Variants in KDM2B observed in about 807,000 individuals in gnomAD.
KDM2B encodes lysine-specific demethylase 2B.
Under a neutral mutation model 150.0 loss-of-function variants are expected in KDM2B, and 26 were observed. The ratio of observed to expected loss-of-function variants is 0.17; its 90% CI spans 0.13 to 0.24. KDM2B has a LOEUF of 0.24. Among genes scored for constraint, KDM2B ranks in the 10% least tolerant of loss-of-function variants. KDM2B has a pLI of 1.00. For missense variants in KDM2B, 1,265 were observed against 1,816.9 expected, an observed-to-expected ratio of 0.70 and a Z score of 5.52; for synonymous variants, 734 against 729.5, an observed-to-expected ratio of 1.01 and a Z score of -0.10.
At chr12:121,568,866 TAAAAAAAAA>T in intron 4 of KDM2B, among the ~76,000 whole-genome samples, 1 of 139,932 alleles carries the variant, frequency 7.1e-6, no homozygotes, top group African/African-American at 2.6e-5. Flanking sequence ...GCTTTTTTGT[TAAAAAAAAA>T]AAAAAAAAAA....
chr12:121,481,177 C>G (rs1014684132), intron 12 of KDM2B, among the ~76,000 whole-genome samples: 2 of 152,052 alleles, frequency 1.3e-5, no homozygotes, highest in Non-Finnish European at 2.9e-5. Context: ...ATGATCCACC[C>G]GCCTCAGCCT....
At chr12:121,437,154 G>A (rs1403223687) in intron 22 of KDM2B, among the ~76,000 whole-genome samples, 1 of 152,076 alleles carries the variant, frequency 6.6e-6, no homozygotes, top group East Asian at 1.9e-4. Context: ...AACGGAAGGG[G>A]AGGAAAAGAA....
At chr12:121,510,130 C>T (rs1343929641) in intron 10 of KDM2B, 91 bp from the exon 11 acceptor site, 2 of 1,104,060 alleles carry the variant, frequency 1.8e-6, no homozygotes, top group African/African-American at 3.1e-5. Flanking sequence ...GTCCCCTTTA[C>T]TCCAGAGATC....
intron 13 of KDM2B, among the ~76,000 whole-genome samples, chr12:121,451,268 ATCT>A (rs1262117349): frequency 3.9e-5 from 6 of 152,112 alleles, no homozygotes; most frequent in Admixed American, 2.0e-4. Flanking sequence ...TTTCCTTATG[ATCT>A]TCTTAATATT....
chr12:121,480,932 G>T lies in KDM2B; in HGVS notation c.1734+13647C>A, dbSNP rs201169421. ...ATAAGTGAGAGGTGTTTTTTTTGTT[G>T]TTTTTTTTTTTTTGAGATGGAGTCT... On this transcript the variant is annotated intron_variant, in intron 12 of 22. Transcript: ENST00000377071. 4.0e-3 allele frequency among the ~76,000 whole-genome samples: 548 copies of T among 135,332 alleles called. 6 individuals are homozygous for T. The highest frequency in any genetic ancestry group is 0.01 in the African/African-American group (365 of 35,910). The allele number at this position is 135,332 out of a possible 152,430, so 88.8% of individuals were successfully genotyped here. A position where few individuals can be genotyped will look rare whatever the true frequency, so the allele number is the denominator to read the frequency against.
chr12:121,503,422 C>G lies in KDM2B; in HGVS notation c.1647+6145G>C, dbSNP rs539959338. Among the ~76,000 whole-genome samples, 5 of 152,186 alleles carry G rather than the reference C, an allele frequency of 3.3e-5. No individual in the cohort carries two copies. The South Asian group carries it at 1.0e-3, about 32-fold the overall frequency. On this transcript the variant is annotated intron_variant, in intron 11 of 22. Transcript: ENST00000377071. Reference sequence around the variant, plus strand: ...CCTCCTGCATCAGCCTTTCAAGTAGCTGGGACTACAGGCGCATGCCACTAC... The same window carrying G: ...CCTCCTGCATCAGCCTTTCAAGTAGGTGGGACTACAGGCGCATGCCACTAC...
intron 11 of KDM2B, among the ~76,000 whole-genome samples, chr12:121,500,293 G>A (rs1006848100): frequency 1.2e-4 from 19 of 152,110 alleles, no homozygotes; most frequent in Admixed American, 1.3e-4. Context: ...CACCAGCTCA[G>A]CCCCCTAAGG....
At chr12:121,422,242 C>T in the KDM2B span, among the ~76,000 whole-genome samples, 1 of 152,216 alleles carries the variant, frequency 6.6e-6, no homozygotes, top group East Asian at 1.9e-4. Context: ...AGTTCAATCT[C>T]TGGCTTGGGT....
chr12:121,514,484 T>G (rs1487692240), intron 9 of KDM2B, among the ~76,000 whole-genome samples: 1 of 151,734 alleles, frequency 6.6e-6, no homozygotes, highest in Non-Finnish European at 1.5e-5. Context: ...ACGCCACTGA[T>G]GGACCCAACA....
At chr12:121,522,773 C>T (rs868961663) in intron 8 of KDM2B, among the ~76,000 whole-genome samples, 2 of 151,764 alleles carry the variant, frequency 1.3e-5, no homozygotes, top group African/African-American at 2.4e-5. Flanking sequence ...GCTTGAACCC[C>T]GGAGGTGGAG....
At chr12:121,427,822 T>A (rs1287871083), downstream of KDM2B, among the ~76,000 whole-genome samples, 1 of 152,140 alleles carries the variant, frequency 6.6e-6, no homozygotes, top group Non-Finnish European at 1.5e-5. Flanking sequence ...CCTTAACTAG[T>A]CCCAGTTGCA....
chr12:121,441,561 C>G (rs1180334366), intron 19 of KDM2B, among the ~76,000 whole-genome samples: 1 of 152,098 alleles, frequency 6.6e-6, no homozygotes, highest in Non-Finnish European at 1.5e-5. Flanking sequence ...CTCAGCCTCC[C>G]GAGTAGCTGG....
intron 8 of KDM2B, among the ~76,000 whole-genome samples, chr12:121,526,434 A>G (rs941152661): frequency 2.0e-5 from 3 of 152,210 alleles, no homozygotes; most frequent in Non-Finnish European, 4.4e-5. Context: ...CCAGATCCCA[A>G]GTCTCCTGAC....
In KDM2B at chr12:121,524,232, G is replaced by A. The variant is rs142111264; in HGVS notation, c.932-3132C>T. 2.8e-4 allele frequency among the ~76,000 whole-genome samples: 42 copies of A among 152,304 alleles called. No individual in the cohort carries two copies. The East Asian group carries it at 8.1e-3, about 29-fold the overall frequency. On this transcript the variant is annotated intron_variant, in intron 8 of 22. Transcript: ENST00000377071. ...CCCTCCCTTCTGGGGAACTTGGTGA[G>A]CAAGTCCTGAATCCATATAAGCAAT...
chr12:121,509,510 AAC>A, intron 11 of KDM2B, 55 bp downstream of exon 11: 2 of 1,584,340 alleles, frequency 1.3e-6, no homozygotes, highest in Non-Finnish European at 1.7e-6. Flanking sequence ...TGTCACACTG[AAC>A]GGGACCTGCC....
chr12:121,549,336 C>T lies in KDM2B; in HGVS notation c.576+124G>A, dbSNP rs1050386748. 3.0e-5 allele frequency: 26 copies of T among 875,906 alleles called. No homozygotes were observed. The African/African-American group carries it at 4.0e-4, about 14-fold the overall frequency. The allele number at this position is 875,906 out of a possible 1,614,324, so 54.3% of individuals were successfully genotyped here. A position where few individuals can be genotyped will look rare whatever the true frequency, so the allele number is the denominator to read the frequency against. The stretch of plus-strand genomic sequence containing the variant: ...TTACCAACCTTAGTCACCCCTATGC[C>T]TGCCAAGCCCAGCCAGCCACACCCA... On this transcript the variant is annotated intron_variant, in intron 5 of 22. Transcript: ENST00000377071. The surrounding 1 kb of genome is among the most constrained non-coding windows in gnomAD (Gnocchi z 4.4).
chr12:121,523,544 A>T (rs1747685259), intron 8 of KDM2B, among the ~76,000 whole-genome samples: 1 of 152,152 alleles, frequency 6.6e-6, no homozygotes, highest in African/African-American at 2.4e-5. Flanking sequence ...CCCCCAATGA[A>T]ACACGCCAGC....
At chr12:121,529,387 G>A (rs1469818164) in intron 8 of KDM2B, among the ~76,000 whole-genome samples, 3 of 152,266 alleles carry the variant, frequency 2.0e-5, no homozygotes, top group South Asian at 4.1e-4. Context: ...AGTGTGGCAG[G>A]AGGAGAGGTG....
chr12:121,443,376 G>C (rs960776089), intron 17 of KDM2B: 4 of 578,162 alleles, frequency 6.9e-6, no homozygotes, highest in Non-Finnish European at 1.2e-5. Flanking sequence ...GGAATGGCTA[G>C]AGCTGGGAGA....
Sources: allele counts gnomAD v4.1 joint callset (sites outside exome capture counted in the v4.1 genomes callset), GRCh38; gene constraint gnomAD v4.1.1; non-coding constraint Gnocchi (gnomAD v3.1); transcripts MANE v1.5; gene names NCBI Gene and HGNC (gene_info 2026-07-23, HGNC 2026-07-21).